Variants in WDR7 observed in about 807,000 individuals in gnomAD.
WDR7 encodes WD repeat-containing protein 7.
Under a neutral mutation model 169.4 loss-of-function variants are expected in WDR7, and 46 were observed. The observed-to-expected ratio is 0.27, with a 90% CI of 0.21 to 0.35. The LOEUF is 0.35. Ranked by LOEUF, WDR7 falls within the 10% of genes least tolerant of loss-of-function variation. The pLI is 1.00. For missense variants in WDR7, 1,534 were observed against 1,859.3 expected, an observed-to-expected ratio of 0.83 and a Z score of 3.22; for synonymous variants, 612 against 666.8, an observed-to-expected ratio of 0.92 and a Z score of 1.27.
At chr18:56,734,891 G>A (rs2430897) in intron 14 of WDR7, among the ~76,000 whole-genome samples, 14,531 of 152,106 alleles carry the variant, frequency 0.096, 853 homozygotes, top group Non-Finnish European at 0.13. Context: ...TACACATAGA[G>A]TATGGTACAT....
rs903102060 is a variant in WDR7, at chr18:56,758,758, A to G, written c.2760-107A>G. 9.1e-6 allele frequency: 7 copies of G among 765,802 alleles called. No homozygotes were observed. In the South Asian group the frequency reaches 1.8e-4, roughly 20 times the overall value. The allele number at this position is 765,802 out of a possible 1,614,324, so 47.4% of individuals were successfully genotyped here. ...ATGGTAAATTGAAAATGTTCTATAT[A>G]TGTTTCTTTTGTGATTCGTTTAGAA... On this transcript the variant is annotated intron_variant, in intron 15 of 27. Transcript: ENST00000254442.
chr18:56,758,096 G>GA (rs1184974210), intron 15 of WDR7, among the ~76,000 whole-genome samples: 4 of 152,202 alleles, frequency 2.6e-5, no homozygotes, highest in Admixed American at 2.0e-4. Context: ...AATAGAGAAA[G>GA]AAAAAACTAT....
intron 19 of WDR7, among the ~76,000 whole-genome samples, chr18:56,807,674 T>TA (rs199558153): frequency 0.08 from 11,834 of 147,442 alleles, 1,090 homozygotes; most frequent in East Asian, 0.47. Context: ...AGCAGTTTTC[T>TA]AAAAAAAAAA....
At chr18:56,654,234 C>T (rs1195242760) in intron 1 of WDR7, among the ~76,000 whole-genome samples, 1 of 152,036 alleles carries the variant, frequency 6.6e-6, no homozygotes, top group East Asian at 1.9e-4. Flanking sequence ...CAGGTTCAAG[C>T]GATTCTCCTG....
At chr18:56,985,811 G>A (rs979767980) in intron 26 of WDR7, among the ~76,000 whole-genome samples, 3 of 152,068 alleles carry the variant, frequency 2.0e-5, no homozygotes, top group Non-Finnish European at 4.4e-5. Flanking sequence ...AAGGAGCTCA[G>A]AGATCCTAAG....
intron 26 of WDR7, among the ~76,000 whole-genome samples, chr18:57,003,467 CAGAG>C (rs376959005): frequency 2.0e-5 from 3 of 151,944 alleles, no homozygotes; most frequent in Non-Finnish European, 4.4e-5. Flanking sequence ...TCTAATTACT[CAGAG>C]AGAGTGATCT....
At chr18:56,794,302 C>CTCTTTTTTTTTT (rs1217568621) in intron 19 of WDR7, among the ~76,000 whole-genome samples, 6 of 29,488 alleles carry the variant, frequency 2.0e-4, no homozygotes, top group Admixed American at 1.0e-3. Context: ...AAGGTAAAGT[C>CTCTTTTTTTTTT]TATTTTTTTT....
At chr18:56,934,387 A>G (rs2046929776) in intron 22 of WDR7, among the ~76,000 whole-genome samples, 1 of 152,028 alleles carries the variant, frequency 6.6e-6, no homozygotes, top group African/African-American at 2.4e-5. Context: ...ACCCAAGAGC[A>G]TCGGGCTCTT....
At chr18:56,722,999 A>G (rs2026357892) in intron 13 of WDR7, among the ~76,000 whole-genome samples, 1 of 152,192 alleles carries the variant, frequency 6.6e-6, no homozygotes, top group Non-Finnish European at 1.5e-5. Context: ...TGAATAAACC[A>G]TAAACAATAT....
At chr18:56,982,032 T>C (rs1294337766) in intron 26 of WDR7, among the ~76,000 whole-genome samples, 3 of 151,894 alleles carry the variant, frequency 2.0e-5, no homozygotes, top group Non-Finnish European at 2.9e-5. Flanking sequence ...CATTGTATAC[T>C]GATCAGTGTT....
chr18:56,949,193 C>G (rs890224161), intron 25 of WDR7, among the ~76,000 whole-genome samples: 1 of 151,618 alleles, frequency 6.6e-6, no homozygotes, highest in Admixed American at 6.6e-5. Flanking sequence ...TTACGAAATG[C>G]TTTTCAGTCT....
rs190521125 is a variant in WDR7, at chr18:56,652,272, C to A, written c.-20+696C>A. Among the ~76,000 whole-genome samples, 49 of 152,308 alleles carry A rather than the reference C, an allele frequency of 3.2e-4. No individual in the cohort carries two copies. The East Asian group carries it at 9.1e-3, about 28-fold the overall frequency. Reference sequence around the variant, plus strand: ...AGGGAACCTACCGTCGCATGACAGGCTGCATTGATATTGTTGATGCTGCTG... The same window carrying A: ...AGGGAACCTACCGTCGCATGACAGGATGCATTGATATTGTTGATGCTGCTG... On this transcript the variant is annotated intron_variant, in intron 1 of 27. Coordinates refer to ENST00000254442, the MANE Select transcript of WDR7 (RefSeq NM_015285.3).
Position 56,856,018 on chromosome 18 carries a change from C to A in WDR7, c.3305-23926C>A, listed in dbSNP as rs184119560. On this transcript the variant is annotated intron_variant, in intron 20 of 27. Transcript: ENST00000254442. Reference sequence around the variant, plus strand: ...ATCTATAAGAGAAGTCACTCTGGTACCTCTGGGAAACACCGGGTGAGGGAT... The same window carrying A: ...ATCTATAAGAGAAGTCACTCTGGTAACTCTGGGAAACACCGGGTGAGGGAT... 1.6e-3 allele frequency among the ~76,000 whole-genome samples: 241 copies of A among 152,226 alleles called. 2 individuals are homozygous for A. Among genetic ancestry groups the A allele is most frequent in the African/African-American group, 5.6e-3 (233 of 41,538 alleles).
intron 21 of WDR7, among the ~76,000 whole-genome samples, chr18:56,883,120 G>A (rs2046134678): frequency 6.6e-6 from 1 of 150,558 alleles, no homozygotes; most frequent in Non-Finnish European, 1.5e-5. Context: ...TGAGGCAGGA[G>A]AATGGCGTGA....
chr18:56,753,596 C>G (rs1257133239), intron 14 of WDR7, among the ~76,000 whole-genome samples: 1 of 126,344 alleles, frequency 7.9e-6, no homozygotes, highest in East Asian at 2.9e-4. Flanking sequence ...TCTCCCACCC[C>G]CCTCCCCCCA....
intron 20 of WDR7, among the ~76,000 whole-genome samples, chr18:56,819,629 T>C (rs1433864606): frequency 1.3e-5 from 2 of 152,156 alleles, no homozygotes; most frequent in African/African-American, 2.4e-5. Context: ...TATTCAATAT[T>C]CAAACCTATT....
chr18:56,692,024 T>A (rs141594769), intron 9 of WDR7, among the ~76,000 whole-genome samples: 6 of 152,320 alleles, frequency 3.9e-5, no homozygotes, highest in African/African-American at 1.2e-4. Context: ...ATAACATTCG[T>A]TTTTCTAAGA....
At position 56,803,838 on chromosome 18, in the gene WDR7, G is replaced by A. The variant is rs116302110; in HGVS notation, c.3191-12193G>A. Reference sequence around the variant, plus strand: ...ATTTTTTGAGACAGGGTCTTGCTCCGTCGCCCAGGCTGGAGTGTAGCGGTG... The same window carrying A: ...ATTTTTTGAGACAGGGTCTTGCTCCATCGCCCAGGCTGGAGTGTAGCGGTG... On this transcript the variant is annotated intron_variant, in intron 19 of 27. Transcript: ENST00000254442. Among the ~76,000 whole-genome samples, 342 of 152,182 alleles carry A rather than the reference G, an allele frequency of 2.2e-3. 2 individuals are homozygous for A. The highest frequency in any genetic ancestry group is 7.5e-3 in the African/African-American group (313 of 41,516).
chr18:56,722,882 G>T (rs1386556617), intron 13 of WDR7, among the ~76,000 whole-genome samples: 1 of 151,934 alleles, frequency 6.6e-6, no homozygotes, highest in Non-Finnish European at 1.5e-5. Flanking sequence ...ATCTTTATTG[G>T]GTACCCTGCC....
Sources: allele counts gnomAD v4.1 joint callset (sites outside exome capture counted in the v4.1 genomes callset), GRCh38; gene constraint gnomAD v4.1.1; transcripts MANE v1.5; gene names NCBI Gene and HGNC (gene_info 2026-07-23, HGNC 2026-07-21).